TTBK2: variants seen among roughly 807,000 people sequenced by gnomAD.
TTBK2 encodes tau tubulin kinase 2, also known as tau-tubulin kinase 2.
Under a neutral mutation model 110.8 loss-of-function variants are expected in TTBK2, and 28 were observed. That is an observed-to-expected ratio of 0.25 (90% CI 0.19 to 0.35). TTBK2 has a LOEUF of 0.35. Among genes scored for constraint, TTBK2 ranks in the 10% least tolerant of loss-of-function variants. TTBK2 has a pLI of 1.00. For synonymous variants in TTBK2, 532 were observed against 527.3 expected (o/e 1.01, Z -0.12); for missense variants, 1,369 against 1,500.3 (o/e 0.91, Z 1.45).
At chr15:42,806,685 T>C (rs1891482310) in intron 9 of TTBK2, among the ~76,000 whole-genome samples, 1 of 152,230 alleles carries the variant, frequency 6.6e-6, no homozygotes, top group African/African-American at 2.4e-5. Context: ...GCTCTTCACA[T>C]GGCCAACACA....
At chr15:42,811,809 A>G in intron 7 of TTBK2, 29 bp from the exon 8 acceptor site, 1 of 1,594,940 alleles carries the variant, frequency 6.3e-7, no homozygotes. Flanking sequence ...ATCCAGTCAC[A>G]TAACATTATT....
At chr15:42,810,537 C>A in intron 9 of TTBK2, 77 bp downstream of exon 9, 1 of 1,580,718 alleles carries the variant, frequency 6.3e-7, no homozygotes, top group Non-Finnish European at 8.7e-7. Context: ...ATTTATAACA[C>A]CTTCAAAGCT....
chr15:42,800,915 C>A, intron 9 of TTBK2: 1 of 679,422 alleles, frequency 1.5e-6, no homozygotes, highest in Non-Finnish European at 2.6e-6. Flanking sequence ...CAGTGGCCTC[C>A]CTCCTAGGCT....
intron 1 of TTBK2, among the ~76,000 whole-genome samples, chr15:42,917,576 G>A (rs9920231): frequency 0.019 from 2,923 of 151,330 alleles, 44 homozygotes; most frequent in Admixed American, 0.031. Flanking sequence ...AAATATGTAC[G>A]ATATTTAACT....
At chr15:42,772,919 A>AAACAAC (rs554385514) in intron 13 of TTBK2, among the ~76,000 whole-genome samples, 2 of 151,914 alleles carry the variant, frequency 1.3e-5, no homozygotes, top group Non-Finnish European at 2.9e-5. Flanking sequence ...TGTCTCTACA[A>AAACAAC]AACAACAACA....
chr15:42,765,610 G>A (rs939935341), intron 13 of TTBK2, among the ~76,000 whole-genome samples: 8 of 152,110 alleles, frequency 5.3e-5, no homozygotes, highest in East Asian at 1.9e-4. Context: ...AAGAAATATC[G>A]GACTATGTGA....
intron 4 of TTBK2, among the ~76,000 whole-genome samples, chr15:42,833,805 C>T (rs1468560814): frequency 6.6e-6 from 1 of 151,972 alleles, no homozygotes; most frequent in Non-Finnish European, 1.5e-5. Context: ...ATCAAGATAT[C>T]GAGACCATCC....
Position 42,752,902 on chromosome 15 carries a change from T to A in TTBK2, c.2344A>T (p.Ile782Phe). The A allele has an allele frequency of 1.2e-6, 2 of 1,614,210 alleles. No homozygotes were observed. The highest frequency in any genetic ancestry group is 1.7e-6 in the Non-Finnish European group (2 of 1,180,032). The change falls in exon 14 of 15, where the codon ATC becomes TTC. Residue 782 changes from isoleucine (I) to phenylalanine (F), a missense_variant. By Grantham distance (21) the Ile-to-Phe change is conservative (BLOSUM62 0). Transcript: ENST00000267890. ...TCTTCATTATCTGACTCTAAAAGGATGCTTTTCTCTTCAGTTTCCCCAGGG... is the reference window on the plus strand; with the variant it reads ...TCTTCATTATCTGACTCTAAAAGGAAGCTTTTCTCTTCAGTTTCCCCAGGG... ...NLPGETEEKS[I>F]LLESDNEDEK...
intron 1 of TTBK2, among the ~76,000 whole-genome samples, chr15:42,883,428 C>T (rs923964150): frequency 6.7e-6 from 1 of 149,774 alleles, no homozygotes; most frequent in African/African-American, 2.5e-5. Flanking sequence ...TGTAAAGGGA[C>T]TCAAGATTGC....
intron 1 of TTBK2, among the ~76,000 whole-genome samples, chr15:42,894,995 T>C (rs1895611952): frequency 6.6e-6 from 1 of 152,116 alleles, no homozygotes; most frequent in Admixed American, 6.6e-5. Flanking sequence ...GGAGAAGCAT[T>C]TGACAAAATT....
At chr15:42,776,593 G>T (rs1791605471) in intron 12 of TTBK2, among the ~76,000 whole-genome samples, 1 of 152,202 alleles carries the variant, frequency 6.6e-6, no homozygotes, top group Non-Finnish European at 1.5e-5. Flanking sequence ...TCACTAAAGT[G>T]AATTGAACTC....
At position 42,790,584 on chromosome 15, in the gene TTBK2, C is replaced by A. The variant is rs544951717; in HGVS notation, c.980+4060G>T. Among the ~76,000 whole-genome samples the A allele has an allele frequency of 4.6e-5, 7 of 152,208 alleles. No individual in the cohort carries two copies. The South Asian group carries it at 1.5e-3, about 32-fold the overall frequency. ...TACAGGCATGAGCCACTGTGCCTGGCCCGTACTTTAATTTATAAATAATTT... is the reference window on the plus strand; with the variant it reads ...TACAGGCATGAGCCACTGTGCCTGGACCGTACTTTAATTTATAAATAATTT... On this transcript the variant is annotated intron_variant, in intron 10 of 14. Coordinates refer to ENST00000267890, the MANE Select transcript of TTBK2 (RefSeq NM_173500.4).
chr15:42,915,898 G>A lies in TTBK2; in HGVS notation c.-68+4540C>T, dbSNP rs555625856. On this transcript the variant is annotated intron_variant, in intron 1 of 14. Transcript: ENST00000267890. The stretch of plus-strand genomic sequence containing the variant: ...GGAGGTCAAGGCTGCAGTGAGCTAC[G>A]ATCATGGCACTCCAGCCTGGGCAAC... Among the ~76,000 whole-genome samples the A allele has an allele frequency of 3.9e-5, 6 of 151,944 alleles. No homozygotes were observed. The South Asian group carries it at 6.2e-4, about 16-fold the overall frequency.
chr15:42,768,746 T>A (rs1019880973), intron 13 of TTBK2, among the ~76,000 whole-genome samples: 34 of 152,108 alleles, frequency 2.2e-4, no homozygotes, highest in Non-Finnish European at 4.3e-4. Flanking sequence ...CTTCACAGAA[T>A]TGGAAAAAAA....
chr15:42,837,870 A>T (rs1893056217), intron 4 of TTBK2, among the ~76,000 whole-genome samples: 1 of 152,086 alleles, frequency 6.6e-6, no homozygotes, highest in South Asian at 2.1e-4. Flanking sequence ...TTAGGCCAGG[A>T]TCTATGTCTC....
chr15:42,858,185 T>G (rs1054457374), intron 3 of TTBK2, among the ~76,000 whole-genome samples: 1 of 152,186 alleles, frequency 6.6e-6, no homozygotes, highest in African/African-American at 2.4e-5. Flanking sequence ...TGCCAAATTT[T>G]GATACATCTC....
At chr15:42,848,594 G>A (rs1174085288) in intron 3 of TTBK2, among the ~76,000 whole-genome samples, 18 of 151,778 alleles carry the variant, frequency 1.2e-4, no homozygotes, top group Admixed American at 1.1e-3. Context: ...GGGTTAAAGC[G>A]ATTATCCTGC....
chr15:42,773,144 A>G lies in TTBK2; in HGVS notation c.1998+1991T>C, dbSNP rs575542994. 4.3e-4 allele frequency among the ~76,000 whole-genome samples: 66 copies of G among 152,292 alleles called. 1 individual carries two copies. The highest frequency in any genetic ancestry group is 1.4e-3 in the African/African-American group (59 of 41,574). On this transcript the variant is annotated intron_variant, in intron 13 of 14. Coordinates refer to ENST00000267890, the MANE Select transcript of TTBK2 (RefSeq NM_173500.4). ...CTGGAGCCCAGGAGCTCAAGGTTAC[A>G]GTAAGGTATGATCATTCCACTGTGC...
At chr15:42,754,586 G>C (rs1029063223) in intron 13 of TTBK2, among the ~76,000 whole-genome samples, 4 of 150,338 alleles carry the variant, frequency 2.7e-5, no homozygotes, top group African/African-American at 9.8e-5. Flanking sequence ...TAGTAGAGAC[G>C]GGGTTTCACC....
Sources: gnomAD v4.1 joint callset for allele counts (sites outside exome capture counted in the v4.1 genomes callset) on GRCh38, gnomAD v4.1.1 for gene constraint, MANE v1.5 for transcripts, NCBI Gene and HGNC (gene_info 2026-07-23, HGNC 2026-07-21) for gene names.